Variants in RPS12 observed in about 807,000 individuals in gnomAD.
RPS12 encodes small ribosomal subunit protein eS12.
In RPS12, 1 loss-of-function variant was observed where a neutral mutation model predicts 17.2. The observed-to-expected ratio is 0.06, with a 90% CI of 0.02 to 0.28. The LOEUF (loss-of-function observed/expected upper bound fraction) is 0.28, where lower values mean the gene tolerates loss of function less well. RPS12 is among the 10% of genes least tolerant of loss of function. The pLI is 1.00. For missense variants in RPS12, 146 were observed against 162.1 expected, an observed-to-expected ratio of 0.90 and a Z score of 0.54; for synonymous variants, 67 against 54.0, an observed-to-expected ratio of 1.24 and a Z score of -1.06.
At chr6:132,815,601 G>GT (rs1582886967) in intron 3 of RPS12, 1 of 455,718 alleles carries the variant, frequency 2.2e-6, no homozygotes, top group Non-Finnish European at 4.4e-6. Flanking sequence ...GAGTTAATGT[G>GT]TTTTTTAGGG....
chr6:132,815,213 A>G (rs935797097), intron 3 of RPS12, 125 bp downstream of exon 3: 10 of 754,164 alleles, frequency 1.3e-5, no homozygotes, highest in Non-Finnish European at 1.9e-5. Flanking sequence ...CCTACCGGAA[A>G]CCTAGGAAAA....
At chr6:132,815,603 T>G in intron 3 of RPS12, 1 of 456,044 alleles carries the variant, frequency 2.2e-6, no homozygotes, top group South Asian at 1.6e-5. Context: ...GTTAATGTGT[T>G]TTTTAGGGTG....
Position 132,814,712 on chromosome 6 carries a change from T to C in RPS12, c.-37-20T>C, listed in dbSNP as rs937356890. The C allele has an allele frequency of 3.1e-6, 5 of 1,597,362 alleles. No individual in the cohort carries two copies. The African/African-American group carries it at 5.4e-5, about 17-fold the overall frequency. On this transcript the variant is annotated intron_variant, in intron 1 of 5. Transcript: ENST00000230050. ...GACGAGTATCTGGTTCTTTAACAAG[T>C]CAATGCTTTTGTTTTTTAGTGCGTT...
rs12202302 is a variant in RPS12 at position 132,814,725 on chromosome 6, T to G, written c.-37-7T>G. The G allele has an allele frequency of 0.31, 498,230 of 1,592,198 alleles. 81,519 individuals carry two copies. The highest frequency in any genetic ancestry group is 0.52 in the Admixed American group (31,089 of 59,852). ...TTCTTTAACAAGTCAATGCTTTTGT[T>G]TTTTAGTGCGTTCAAGATTCAACTT... On this transcript the variant is annotated splice_polypyrimidine_tract_variant and splice_region_variant and intron_variant, in intron 1 of 5. Coordinates refer to ENST00000230050, the MANE Select transcript of RPS12 (RefSeq NM_001016.4).
chr6:132,817,238 C>T (rs377202029), intron 5 of RPS12, 177 bp downstream of exon 5: 2 of 772,910 alleles, frequency 2.6e-6, no homozygotes, highest in Non-Finnish European at 2.3e-6. Context: ...AATGAATCTG[C>T]TTACCTGATT....
chr6:132,815,889 C>T (rs1782045130), intron 3 of RPS12: 1 of 447,340 alleles, frequency 2.2e-6, no homozygotes, highest in South Asian at 1.6e-5. Flanking sequence ...GTCCCCCAGG[C>T]TGGAGTGCAG....
intron 5 of RPS12, 105 bp downstream of exon 5, chr6:132,817,166 C>A: frequency 2.4e-6 from 2 of 844,306 alleles, no homozygotes; most frequent in Non-Finnish European, 4.1e-6. Flanking sequence ...ACTGATTCAA[C>A]AGGTTTAAAG....
At position 132,816,470 on chromosome 6, in the gene RPS12, C is replaced by T. The variant is rs747707729; in HGVS notation, c.141C>T (p.Ala47=). The change falls in exon 4 of 6, where the codon GCC becomes GCT. Residue 47 remains alanine, a synonymous_variant. Coordinates refer to ENST00000230050, the MANE Select transcript of RPS12 (RefSeq NM_001016.4). The part of the protein sequence containing the change: ...EAAKALDKRQ[A]HLCVLASNCD... The stretch of plus-strand genomic sequence containing the variant: ...GTAATTTGAATTTCAGGCGCCAAGC[C>T]CATCTTTGTGTGCTTGCATCCAACT... 1 of 1,606,780 alleles carries T rather than the reference C, an allele frequency of 6.2e-7. No individual in the cohort carries two copies. The highest frequency in any genetic ancestry group is 8.5e-7 in the Non-Finnish European group (1 of 1,176,394).
At chr6:132,814,908 C>T (rs1192974396) in intron 2 of RPS12, 64 bp from the exon 3 acceptor site, 69 of 1,411,332 alleles carry the variant, frequency 4.9e-5, no homozygotes, top group East Asian at 1.6e-4. Context: ...TTAGCTTTTG[C>T]TGAGTGCAAG....
chr6:132,815,842 TTTTC>T (rs2114711180), intron 3 of RPS12: 1 of 430,230 alleles, frequency 2.3e-6, no homozygotes, highest in African/African-American at 2.1e-5. Flanking sequence ...TTTTTTTCTT[TTTTC>T]TTTTTTTTTT....
At chr6:132,817,255 G>T (rs1782084110) in intron 5 of RPS12, 194 bp downstream of exon 5, 1 of 772,824 alleles carries the variant, frequency 1.3e-6, no homozygotes. Context: ...GATTGTGTTT[G>T]TGCAGACATA....
chr6:132,817,170 T>A, intron 5 of RPS12, 109 bp downstream of exon 5: 1 of 827,800 alleles, frequency 1.2e-6, no homozygotes. Context: ...ATTCAACAGG[T>A]TTAAAGCATT....
chr6:132,815,884 C>T (rs1303686090), intron 3 of RPS12: 3 of 445,992 alleles, frequency 6.7e-6, no homozygotes, highest in East Asian at 1.4e-4. Flanking sequence ...GCTCTGTCCC[C>T]CAGGCTGGAG....
chr6:132,814,900 AGCT>A (rs2114709118), intron 2 of RPS12, 69 bp from the exon 3 acceptor site: 1 of 1,412,546 alleles, frequency 7.1e-7, no homozygotes, highest in East Asian at 2.3e-5. Flanking sequence ...TTGTACACTT[AGCT>A]TTTGCTGAGT....
At position 132,816,520 on chromosome 6, in the gene RPS12, T is replaced by C; in HGVS notation, c.191T>C (p.Leu64Ser). Residue 64 changes from leucine (L) to serine (S), a missense_variant, in exon 4 of 6, where the codon TTG becomes TCG. Physicochemically the swap from Leu to Ser is moderately radical, Grantham distance 145 (BLOSUM62 -2). Around this residue, in one of 2 missense-constraint regions of RPS12, gnomAD observed 117 missense variants for 104.6 expected, o/e 1.12. Transcript: ENST00000230050. Reference protein sequence around the residue: ...SNCDEPMYVKLVEALCAEHQI... With the variant: ...SNCDEPMYVKSVEALCAEHQI... ...TGTGATGAGCCTATGTATGTCAAGT[T>C]GGTGGAGGCCCTTTGTGCTGAACAC... The C allele has an allele frequency of 6.2e-7, 1 of 1,605,106 alleles. No individual in the cohort carries two copies. Among genetic ancestry groups the C allele is most frequent in the Middle Eastern group, 1.6e-4 (1 of 6,062 alleles).
At chr6:132,814,834 GGGGCTAGAGCTGGCGGA>G in intron 2 of RPS12, 52 bp downstream of exon 2, 1 of 1,544,648 alleles carries the variant, frequency 6.5e-7, no homozygotes, top group Non-Finnish European at 8.9e-7. Context: ...GCTGAGGCGT[GGGGCTAGAGCTGGCGGA>G]ACAGGACTGG....
At chr6:132,816,404 G>C in intron 3 of RPS12, 57 bp from the exon 4 acceptor site, 1 of 1,343,632 alleles carries the variant, frequency 7.4e-7, no homozygotes, top group Non-Finnish European at 1.1e-6. Flanking sequence ...TAAAATGCAA[G>C]AATGATGGAT....
chr6:132,814,795 G>T lies in RPS12; in HGVS notation c.14+13G>T, dbSNP rs767825058. ...TGGCCGAGGAAGGGTGAGCCCAGGGGCCGGGGTTGGAGTTGGGGTCGGGGT... is the reference window on the plus strand; with the variant it reads ...TGGCCGAGGAAGGGTGAGCCCAGGGTCCGGGGTTGGAGTTGGGGTCGGGGT... On this transcript the variant is annotated intron_variant, in intron 2 of 5. Coordinates refer to ENST00000230050, the MANE Select transcript of RPS12 (RefSeq NM_001016.4). 2 of 1,612,444 alleles carry T rather than the reference G, an allele frequency of 1.2e-6. No individual in the cohort carries two copies. Among genetic ancestry groups the T allele is most frequent in the Non-Finnish European group, 1.7e-6 (2 of 1,178,618 alleles).
rs751712750 is a variant in RPS12 at position 132,815,033 on chromosome 6, C to G, written c.76C>G (p.Leu26Val). 1.2e-6 allele frequency: 2 copies of G among 1,613,700 alleles called. No individual in the cohort carries two copies. Among genetic ancestry groups the G allele is most frequent in the Non-Finnish European group, 1.7e-6 (2 of 1,179,782 alleles). ...TALQEVLKTA[L>V]IHDGLARGIR... ...TTTACAAGAGGTTCTGAAGACTGCC[C>G]TCATCCACGATGGCCTAGCACGTGG... Residue 26 changes from leucine (L) to valine (V), a missense_variant, in exon 3 of 6, where the codon CTC (leucine) becomes GTC (valine). Coordinates refer to ENST00000230050, the MANE Select transcript of RPS12 (RefSeq NM_001016.4).
Sources: allele counts gnomAD v4.1 joint callset, GRCh38; gene constraint gnomAD v4.1.1; regional missense constraint gnomAD v4.1.1; transcripts MANE v1.5; gene names NCBI Gene and HGNC (gene_info 2026-07-23, HGNC 2026-07-21).